ITPR1: variants seen among roughly 807,000 people sequenced by gnomAD.
ITPR1 encodes the protein inositol 1,4,5-trisphosphate-gated calcium channel ITPR1.
In ITPR1, 96 loss-of-function variants were observed where a neutral mutation model predicts 318.4. That is an observed-to-expected ratio of 0.30 (90% confidence interval 0.26 to 0.36). The LOEUF (loss-of-function observed/expected upper bound fraction) is 0.36. Among genes scored for constraint, ITPR1 ranks in the 10% least tolerant of loss-of-function variants. The probability of loss-of-function intolerance (pLI) is 1.00; values close to 1 mark genes in which losing one functional copy is unlikely to be tolerated. For missense variants in ITPR1, 2,440 were observed against 3,460.2 expected (o/e 0.71, Z 7.40); for synonymous variants, 1,312 against 1,289.9 (o/e 1.02, Z -0.37).
intron 61 of ITPR1, among the ~76,000 whole-genome samples, chr3:4,838,534 T>TAA (rs1291948161): frequency 1.3e-5 from 2 of 152,198 alleles, no homozygotes; most frequent in African/African-American, 4.8e-5. Flanking sequence ...ATCAGATGTT[T>TAA]AAATTAGGTG....
At chr3:4,662,323 G>C (rs1006382373) in intron 15 of ITPR1, 81 bp downstream of exon 15, 3 of 1,284,776 alleles carry the variant, frequency 2.3e-6, no homozygotes, top group Non-Finnish European at 3.1e-6. Flanking sequence ...TGAGAGAATG[G>C]TGACTCTGAA....
chr3:4,508,272 CTG>C (rs2081534584), intron 2 of ITPR1, among the ~76,000 whole-genome samples: 1 of 152,084 alleles, frequency 6.6e-6, no homozygotes, highest in Non-Finnish European at 1.5e-5. Context: ...ACTGGCAGGT[CTG>C]TGGTTTTGGG....
rs553640338 is a variant in ITPR1, at chr3:4,785,848, C to T, written c.6615+1928C>T. 3.3e-4 allele frequency among the ~76,000 whole-genome samples: 50 copies of T among 152,292 alleles called. 1 individual carries two copies. In the East Asian group the frequency reaches 9.5e-3, roughly 29 times the overall value. On this transcript the variant is annotated intron_variant, in intron 51 of 61. Transcript: ENST00000649015. ...TTCTAAAACTACTGAGGAAGAGTTACAAATAGATCTTAAATGGTAAAGAGA... is the reference window on the plus strand; with the variant it reads ...TTCTAAAACTACTGAGGAAGAGTTATAAATAGATCTTAAATGGTAAAGAGA...
chr3:4,570,880 A>G (rs2087899848), intron 4 of ITPR1, among the ~76,000 whole-genome samples: 1 of 152,212 alleles, frequency 6.6e-6, no homozygotes, highest in Non-Finnish European at 1.5e-5. Context: ...TCAGGCAGAC[A>G]CAACAAGAAG....
chr3:4,673,334 C>T lies in ITPR1; in HGVS notation c.2403C>T (p.Pro801=), dbSNP rs140248948. The change falls in exon 21 of 62, where the codon CCC becomes CCT. Residue 801 remains proline, a synonymous_variant. Transcript: ENST00000649015. The stretch of plus-strand genomic sequence containing the variant: ...GAGATCCCCAGGAACAAGTCACCCC[C>T]GTGAAATATGCCCGCCTCTGGTCGG... ...VDRDPQEQVT[P]VKYARLWSEI... The T allele has an allele frequency of 1.8e-5, 29 of 1,613,034 alleles. No individual in the cohort carries two copies. The highest frequency in any genetic ancestry group is 6.6e-5 in the South Asian group (6 of 91,052).
chr3:4,572,061 C>G (rs116517747), intron 4 of ITPR1, among the ~76,000 whole-genome samples: 217 of 152,340 alleles, frequency 1.4e-3, no homozygotes, highest in Middle Eastern at 3.4e-3. Flanking sequence ...TTGTGAGTCT[C>G]CTAGAGCTGA....
At chr3:4,599,955 C>T (rs969217371) in intron 4 of ITPR1, among the ~76,000 whole-genome samples, 3 of 152,282 alleles carry the variant, frequency 2.0e-5, no homozygotes, top group Non-Finnish European at 4.4e-5. Context: ...TCTCCTCCTG[C>T]CCATTGGTTG....
intron 44 of ITPR1, among the ~76,000 whole-genome samples, chr3:4,742,317 T>G (rs1395583056): frequency 1.3e-5 from 2 of 152,324 alleles, no homozygotes; most frequent in Middle Eastern, 3.4e-3. Context: ...CCCTTCCTTA[T>G]GGAGTTACGA....
chr3:4,561,956 G>C (rs768448849), intron 4 of ITPR1, among the ~76,000 whole-genome samples: 4 of 152,100 alleles, frequency 2.6e-5, no homozygotes, highest in Non-Finnish European at 4.4e-5. Flanking sequence ...ATTCAATTTT[G>C]TCTTTAACAT....
At position 4,658,234 on chromosome 3, in the gene ITPR1, G is replaced by A; in HGVS notation, c.1107G>A (p.Glu369=). The change falls in exon 13 of 62, where the codon GAG becomes GAA. Residue 369 remains glutamate, a synonymous_variant. Coordinates refer to ENST00000649015, the MANE Select transcript of ITPR1 (RefSeq NM_001378452.1). ...PEGNDISSIF[E]LDPTTLRGGD... ...GCAATGACATCTCCTCCATTTTCGA[G>A]CTAGATCCCACCACTCTGCGTGGAG... 1 of 1,613,544 alleles carries A rather than the reference G, an allele frequency of 6.2e-7. No homozygotes were observed. The highest frequency in any genetic ancestry group is 8.5e-7 in the Non-Finnish European group (1 of 1,179,628).
chr3:4,804,238 C>T (rs149462992), intron 54 of ITPR1, among the ~76,000 whole-genome samples: 5 of 152,236 alleles, frequency 3.3e-5, no homozygotes, highest in South Asian at 2.1e-4. Flanking sequence ...TACCTGTGGA[C>T]GGAGACAGAG....
chr3:4,627,435 G>T (rs571979592), intron 4 of ITPR1, among the ~76,000 whole-genome samples: 1 of 152,272 alleles, frequency 6.6e-6, no homozygotes, highest in South Asian at 2.1e-4. Flanking sequence ...CTGCACTCCA[G>T]TCTGGGTGAC....
At chr3:4,668,926 G>A (rs1232937688) in intron 18 of ITPR1, among the ~76,000 whole-genome samples, 2 of 152,120 alleles carry the variant, frequency 1.3e-5, no homozygotes, top group East Asian at 1.9e-4. Context: ...CTCCTCTTTC[G>A]TACACCCTCT....
rs776684519 is a variant in ITPR1 at position 4,675,133 on chromosome 3, A to G, written c.2664A>G (p.Leu888=). Residue 888 remains leucine (L), a synonymous_variant, in exon 23 of 62, where the codon TTA becomes TTG. Coordinates refer to ENST00000649015, the MANE Select transcript of ITPR1 (RefSeq NM_001378452.1). ...ACAACTTCTCTGACCTTCTACGATT[A>G]ACTAAGATCCTTCTGGCCATATTGG... ...GFYNFSDLLR[L]TKILLAILDC... 9.3e-6 allele frequency: 15 copies of G among 1,608,542 alleles called. 1 individual carries two copies. In the Middle Eastern group the frequency reaches 6.6e-4, roughly 71 times the overall value.
intron 44 of ITPR1, among the ~76,000 whole-genome samples, chr3:4,757,270 G>A (rs1219929276): frequency 6.6e-6 from 1 of 152,210 alleles, no homozygotes; most frequent in Non-Finnish European, 1.5e-5. Flanking sequence ...GTCATTGTGT[G>A]ACAATGGTTT....
intron 18 of ITPR1, among the ~76,000 whole-genome samples, chr3:4,667,966 A>T (rs1332317886): frequency 6.6e-6 from 1 of 152,160 alleles, no homozygotes; most frequent in East Asian, 1.9e-4. Context: ...GTATATATTT[A>T]TGGGGTACAT....
At chr3:4,706,055 G>C in intron 36 of ITPR1, 112 bp from the exon 37 acceptor site, 1 of 1,044,528 alleles carries the variant, frequency 9.6e-7, no homozygotes, top group Non-Finnish European at 1.4e-6. Flanking sequence ...CAGGCAAGCT[G>C]GCCCATTCTG....
At chr3:4,610,793 C>T (rs2092023765) in intron 4 of ITPR1, among the ~76,000 whole-genome samples, 1 of 152,088 alleles carries the variant, frequency 6.6e-6, no homozygotes, top group Non-Finnish European at 1.5e-5. Flanking sequence ...CTTTCCAGAA[C>T]ATACTGGTTT....
chr3:4,662,084 T>C lies in ITPR1; in HGVS notation c.1254T>C (p.Ile418=). ...ACAAGGACCACCTTGAATTTCAGAT[T>C]GGCACCTCTCCTGTGAAGGAGGATA... ...KEEEKPVMLK[I]GTSPVKEDKE... is the part of the protein sequence containing the mutation. The change falls in exon 15 of 62, where the codon ATT becomes ATC. Residue 418 remains isoleucine (I), a splice_region_variant and synonymous_variant. Transcript: ENST00000649015. 6.2e-7 allele frequency: 1 copy of C among 1,612,416 alleles called. No individual in the cohort carries two copies. Among genetic ancestry groups the C allele is most frequent in the African/African-American group, 1.3e-5 (1 of 75,018 alleles).
Sources: allele counts gnomAD v4.1 joint callset (sites outside exome capture counted in the v4.1 genomes callset), GRCh38; gene constraint gnomAD v4.1.1; transcripts MANE v1.5; gene names NCBI Gene and HGNC (gene_info 2026-07-23, HGNC 2026-07-21).